The following TRRAP variants were observed in gnomAD, a reference collection of about 807,000 sequenced individuals.
TRRAP encodes transformation/transcription domain-associated protein.
Under a neutral mutation model 438.8 loss-of-function variants are expected in TRRAP, and 41 were observed. The observed-to-expected ratio is 0.09, with a 90% confidence interval of 0.07 to 0.12. The LOEUF (loss-of-function observed/expected upper bound fraction) is 0.12, where lower values mean the gene tolerates loss of function less well. Among genes scored for constraint, TRRAP ranks in the 10% least tolerant of loss-of-function variants. The pLI is 1.00. For missense variants in TRRAP, 3,122 were observed against 5,055.1 expected (o/e 0.62, Z 11.60); for synonymous variants, 1,994 against 1,962.9 (o/e 1.02, Z -0.42).
At chr7:98,961,770 T>A (rs1197220062) in intron 46 of TRRAP, among the ~76,000 whole-genome samples, 7 of 151,978 alleles carry the variant, frequency 4.6e-5, no homozygotes, top group Non-Finnish European at 7.4e-5. Context: ...AAATACAAAT[T>A]TAGCTGGGTG....
Position 98,908,826 on chromosome 7 carries a change from A to C in TRRAP, c.1214A>C (p.Asn405Thr). ...CTCGCCGTCCAGCTCTTCGCCAAGAACATCGACGATGAGTCCCTGCCCAGC... is the reference window on the plus strand; with the variant it reads ...CTCGCCGTCCAGCTCTTCGCCAAGACCATCGACGATGAGTCCCTGCCCAGC... ...LSLAVQLFAK[N>T]IDDESLPSSI... Residue 405 changes from asparagine to threonine, a missense_variant, in exon 14 of 73, where the codon AAC becomes ACC. Coordinates refer to ENST00000456197, the MANE Select transcript of TRRAP (RefSeq NM_001375524.1). The surrounding 1 kb of genome is among the most constrained non-coding windows in gnomAD (Gnocchi z 4.1). 1 of 1,612,378 alleles carries C rather than the reference A, an allele frequency of 6.2e-7. No homozygotes were observed. Among genetic ancestry groups the C allele is most frequent in the Non-Finnish European group, 8.5e-7 (1 of 1,179,344 alleles).
Position 98,948,471 on chromosome 7 carries a change from C to T in TRRAP, c.4669-95C>T. On this transcript the variant is annotated intron_variant, in intron 34 of 72. Coordinates refer to ENST00000456197, the MANE Select transcript of TRRAP (RefSeq NM_001375524.1). The surrounding 1 kb of genome is among the most constrained non-coding windows in gnomAD (Gnocchi z 4.9). ...ATGTCAACATTTGCTTGTGGGTGTT[C>T]ATGCACTCCAGTAACAAGGGACCTT... The T allele has an allele frequency of 6.2e-7, 1 of 1,610,850 alleles. No individual in the cohort carries two copies. The highest frequency in any genetic ancestry group is 8.5e-7 in the Non-Finnish European group (1 of 1,178,650).
At chr7:98,957,814 C>T (rs561802372) in intron 43 of TRRAP, among the ~76,000 whole-genome samples, 167 bp from the exon 44 acceptor site, 5 of 152,314 alleles carry the variant, frequency 3.3e-5, no homozygotes, top group East Asian at 3.9e-4. Flanking sequence ...CTGGCTGTGT[C>T]GACTTCACCA....
intron 21 of TRRAP, among the ~76,000 whole-genome samples, chr7:98,923,638 C>T (rs1222891661): frequency 6.6e-6 from 1 of 152,154 alleles, no homozygotes; most frequent in Non-Finnish European, 1.5e-5. Flanking sequence ...CATGCAGTTC[C>T]GCAATACCCT....
intron 52 of TRRAP, among the ~76,000 whole-genome samples, chr7:98,970,950 C>A (rs934314699): frequency 6.6e-6 from 1 of 151,970 alleles, no homozygotes; most frequent in Non-Finnish European, 1.5e-5. Context: ...TAGTGGCTGC[C>A]GCTGTTCCTG....
rs199647095 is a variant in TRRAP at position 98,970,228 on chromosome 7, C to T, written c.7629C>T (p.Phe2543=). Residue 2543 remains phenylalanine, a synonymous_variant, in exon 52 of 73, where the codon TTC becomes TTT. Coordinates refer to ENST00000456197, the MANE Select transcript of TRRAP (RefSeq NM_001375524.1). ...NLADSHDRAA[F]AMVTHVKQEP... is the part of the protein sequence containing the mutation. The stretch of plus-strand genomic sequence containing the variant: ...CCGATAGCCACGACCGTGCCGCCTT[C>T]GCCATGGTCACACATGTCAAGCAGG... 27 of 1,613,718 alleles carry T rather than the reference C, an allele frequency of 1.7e-5. No homozygotes were observed. The highest frequency in any genetic ancestry group is 1.1e-4 in the African/African-American group (8 of 75,054).
intron 3 of TRRAP, among the ~76,000 whole-genome samples, chr7:98,888,909 T>C (rs1554404369): frequency 6.6e-6 from 1 of 152,234 alleles, no homozygotes; most frequent in Admixed American, 6.5e-5. Flanking sequence ...TTATGTGTTC[T>C]GTTCATTATT....
At chr7:98,906,297 G>GTAACT in intron 13 of TRRAP, 42 bp downstream of exon 13, 1 of 1,551,352 alleles carries the variant, frequency 6.4e-7, no homozygotes, top group Non-Finnish European at 8.9e-7. Flanking sequence ...TTAAATGCCA[G>GTAACT]GAGCATCAGT....
chr7:98,921,828 G>C lies in TRRAP; in HGVS notation c.2698G>C (p.Gly900Arg). The change falls in exon 21 of 73, where the codon GGC becomes CGC. Residue 900 changes from glycine to arginine, a missense_variant. Physicochemically the swap from Gly to Arg is moderately radical, Grantham distance 125. Coordinates refer to ENST00000456197, the MANE Select transcript of TRRAP (RefSeq NM_001375524.1). ...CTACCGTGTGCTCGGTAAGTTTGGCGGCAGTAACAGGAAGATGCTGAAGGA... is the reference window on the plus strand; with the variant it reads ...CTACCGTGTGCTCGGTAAGTTTGGCCGCAGTAACAGGAAGATGCTGAAGGA... ...VAYRVLGKFG[G>R]SNRKMLKESQ... is the part of the protein sequence containing the mutation. 1 of 1,614,194 alleles carries C rather than the reference G, an allele frequency of 6.2e-7. No homozygotes were observed. The highest frequency in any genetic ancestry group is 8.5e-7 in the Non-Finnish European group (1 of 1,180,046).
intron 69 of TRRAP, among the ~76,000 whole-genome samples, chr7:99,006,904 G>A (rs553757385): frequency 1.3e-5 from 2 of 152,318 alleles, no homozygotes; most frequent in South Asian, 2.1e-4. Context: ...CACAAGTCTG[G>A]TGCTGCTCCC....
At chr7:98,939,533 CAA>C (rs1790699925) in intron 30 of TRRAP, among the ~76,000 whole-genome samples, 3 of 152,214 alleles carry the variant, frequency 2.0e-5, no homozygotes, top group African/African-American at 7.2e-5. Flanking sequence ...AATTGAAAAA[CAA>C]AGTATAATAT....
At chr7:98,941,786 G>A (rs555461369) in intron 30 of TRRAP, among the ~76,000 whole-genome samples, 51 of 152,142 alleles carry the variant, frequency 3.4e-4, no homozygotes, top group Non-Finnish European at 5.7e-4. Flanking sequence ...GACTCCGCAC[G>A]ATGTCGGTGT....
At position 98,927,144 on chromosome 7, in the gene TRRAP, C is replaced by A. The variant is rs1562945026; in HGVS notation, c.2976-23C>A. The A allele has an allele frequency of 1.9e-6, 3 of 1,614,070 alleles. No homozygotes were observed. In the East Asian group the frequency reaches 6.7e-5, roughly 36 times the overall value. On this transcript the variant is annotated intron_variant, in intron 22 of 72. Transcript: ENST00000456197. Reference sequence around the variant, plus strand: ...AGCTCAGGAGTTGGGTGTCGTGACACCAGATCTGATTTTGCCTTTCAGCTT... The same window carrying A: ...AGCTCAGGAGTTGGGTGTCGTGACAACAGATCTGATTTTGCCTTTCAGCTT...
In TRRAP at chr7:98,917,607, G is replaced by A; in HGVS notation, c.2550G>A (p.Glu850=). The A allele has an allele frequency of 6.2e-7, 1 of 1,614,220 alleles. No homozygotes were observed. The highest frequency in any genetic ancestry group is 8.5e-7 in the Non-Finnish European group (1 of 1,180,042). ...TCAGCCAAGGCCTCAGGACGCTGGA[G>A]CTGTGTGTGGACAACCTGCAGCCCG... ...TLVSQGLRTL[E]LCVDNLQPDF... is the part of the protein sequence containing the mutation. The change falls in exon 20 of 73, where the codon GAG becomes GAA. Residue 850 remains glutamate (E), a synonymous_variant. Coordinates refer to ENST00000456197, the MANE Select transcript of TRRAP (RefSeq NM_001375524.1).
rs200904574 is a variant in TRRAP at position 98,935,650 on chromosome 7, C to G, written c.4086C>G (p.Leu1362=). Residue 1362 remains leucine (L), a synonymous_variant, in exon 28 of 73, where the codon CTC becomes CTG. Coordinates refer to ENST00000456197, the MANE Select transcript of TRRAP (RefSeq NM_001375524.1). The part of the protein sequence containing the change: ...KLPCYKSLPS[L]VPLRIAALNA... ...CCTGTTATAAAAGCCTTCCGTCACT[C>G]GTACCTTTACGAATTGCGGCATTAA... is the stretch of plus-strand genomic sequence containing the variant. 9.4e-6 allele frequency: 15 copies of G among 1,599,316 alleles called. No homozygotes were observed. The highest frequency in any genetic ancestry group is 1.7e-5 in the Admixed American group (1 of 59,824).
At chr7:98,997,915 T>C (rs1793745371) in intron 67 of TRRAP, among the ~76,000 whole-genome samples, 1 of 152,200 alleles carries the variant, frequency 6.6e-6, no homozygotes. Flanking sequence ...CCACAGTGTT[T>C]GTGGTATTAC....
intron 43 of TRRAP, among the ~76,000 whole-genome samples, chr7:98,957,372 A>C (rs1791667219): frequency 6.6e-6 from 1 of 152,158 alleles, no homozygotes; most frequent in South Asian, 2.1e-4. Flanking sequence ...GAATCAGGGG[A>C]AGCTGGGTGA....
chr7:98,940,336 C>T (rs1434762364), intron 30 of TRRAP, among the ~76,000 whole-genome samples: 1 of 152,030 alleles, frequency 6.6e-6, no homozygotes, highest in Admixed American at 6.6e-5. Flanking sequence ...TTATAGGCAC[C>T]TGCCGCCACG....
At chr7:98,979,105 A>G (rs1286475104) in intron 58 of TRRAP, among the ~76,000 whole-genome samples, 3 of 152,280 alleles carry the variant, frequency 2.0e-5, no homozygotes, top group Non-Finnish European at 4.4e-5. Flanking sequence ...ATTGAAGATT[A>G]GAAATAGTCA....
Sources: allele counts gnomAD v4.1 joint callset (sites outside exome capture counted in the v4.1 genomes callset), GRCh38; gene constraint gnomAD v4.1.1; non-coding constraint Gnocchi (gnomAD v3.1); transcripts MANE v1.5; gene names NCBI Gene and HGNC (gene_info 2026-07-23, HGNC 2026-07-21).